Variants in RSRC1 observed in about 807,000 individuals in gnomAD.
The protein encoded by RSRC1 is serine/Arginine-related protein 53.
RSRC1 carries 39 observed loss-of-function variants against 49.1 expected under a neutral mutation model. The observed-to-expected ratio is 0.79, with a 90% CI of 0.61 to 1.04. The LOEUF (loss-of-function observed/expected upper bound fraction) is 1.04. RSRC1 is among the 50% of genes least tolerant of loss of function. RSRC1 has a pLI of 0.00. For synonymous variants in RSRC1, 143 were observed against 130.8 expected (o/e 1.09, Z -0.63); for missense variants, 388 against 402.4 (o/e 0.96, Z 0.31).
chr3:158,197,729 C>T (rs573245642), intron 3 of RSRC1, among the ~76,000 whole-genome samples: 3 of 152,238 alleles, frequency 2.0e-5, no homozygotes, highest in South Asian at 2.1e-4. Context: ...ATCTTTATTT[C>T]TGTCTTCATT....
At chr3:158,249,917 C>G (rs1283257051) in intron 4 of RSRC1, among the ~76,000 whole-genome samples, 1 of 152,016 alleles carries the variant, frequency 6.6e-6, no homozygotes, top group Non-Finnish European at 1.5e-5. Flanking sequence ...CTTTTTCATT[C>G]TATCTATATT....
Position 158,425,791 on chromosome 3 carries a change from A to G in RSRC1, c.584-35144A>G, listed in dbSNP as rs368034432. Reference sequence around the variant, plus strand: ...CCTTTATTGGGTGCATATATTTAGGATAGTTAAATAATTTAGAAGTTTAAT... The same window carrying G: ...CCTTTATTGGGTGCATATATTTAGGGTAGTTAAATAATTTAGAAGTTTAAT... On this transcript the variant is annotated intron_variant, in intron 6 of 9. Transcript: ENST00000611884. 7.4e-4 allele frequency among the ~76,000 whole-genome samples: 112 copies of G among 151,988 alleles called. 4 individuals carry two copies. The South Asian group carries it at 0.023, about 31-fold the overall frequency.
chr3:158,265,177 G>A (rs1369375734), intron 4 of RSRC1, among the ~76,000 whole-genome samples: 1 of 152,180 alleles, frequency 6.6e-6, no homozygotes, highest in African/African-American at 2.4e-5. Flanking sequence ...TTAACTCTCA[G>A]TAGTTACTAT....
At chr3:158,443,680 C>A (rs1736511097) in intron 6 of RSRC1, among the ~76,000 whole-genome samples, 1 of 152,140 alleles carries the variant, frequency 6.6e-6, no homozygotes, top group Non-Finnish European at 1.5e-5. Flanking sequence ...CTTTTAATTT[C>A]TATCAAGAAC....
chr3:158,528,221 A>G (rs1712162619), intron 7 of RSRC1, among the ~76,000 whole-genome samples: 1 of 151,988 alleles, frequency 6.6e-6, no homozygotes, highest in Non-Finnish European at 1.5e-5. Context: ...AAAGAGCAGT[A>G]ATTTATGAGC....
At chr3:158,191,394 T>G (rs1720232690) in intron 3 of RSRC1, among the ~76,000 whole-genome samples, 1 of 152,096 alleles carries the variant, frequency 6.6e-6, no homozygotes, top group African/African-American at 2.4e-5. Context: ...AATAGACTAC[T>G]TGAAGTATTG....
At chr3:158,128,362 A>G (rs560344803) in intron 3 of RSRC1, among the ~76,000 whole-genome samples, 1 of 152,274 alleles carries the variant, frequency 6.6e-6, no homozygotes, top group Admixed American at 6.5e-5. Context: ...GGAGTACTGC[A>G]ACTTCTTAAC....
chr3:158,195,069 C>T (rs1190245712), intron 3 of RSRC1, among the ~76,000 whole-genome samples: 1 of 152,194 alleles, frequency 6.6e-6, no homozygotes, highest in Non-Finnish European at 1.5e-5. Context: ...TGAGGAATAG[C>T]CACACTGTCT....
At chr3:158,319,155 G>A (rs11712563) in intron 5 of RSRC1, among the ~76,000 whole-genome samples, 34,055 of 151,874 alleles carry the variant, frequency 0.22, 4,290 homozygotes, top group Non-Finnish European at 0.29. Context: ...ATCTCATCTC[G>A]AATTGTAATC....
intron 3 of RSRC1, among the ~76,000 whole-genome samples, chr3:158,197,197 C>G (rs1720684052): frequency 6.6e-6 from 1 of 152,124 alleles, no homozygotes; most frequent in Non-Finnish European, 1.5e-5. Context: ...TTGGTCTATT[C>G]AGGGATTCAA....
intron 5 of RSRC1, among the ~76,000 whole-genome samples, chr3:158,333,207 A>G (rs1199874973): frequency 6.6e-6 from 1 of 152,114 alleles, no homozygotes; most frequent in Non-Finnish European, 1.5e-5. Context: ...TGACCTCATG[A>G]TCTGCCCACC....
chr3:158,259,791 AG>A, intron 4 of RSRC1, among the ~76,000 whole-genome samples: 1 of 152,302 alleles, frequency 6.6e-6, no homozygotes, highest in Non-Finnish European at 1.5e-5. Context: ...CTAAGCTGCA[AG>A]GCAAAGTCCT....
intron 4 of RSRC1, among the ~76,000 whole-genome samples, chr3:158,223,889 T>C (rs114558829): frequency 0.022 from 3,393 of 151,828 alleles, 55 homozygotes; most frequent in Non-Finnish European, 0.036. Context: ...GTTCTCATTC[T>C]CATTATTTAG....
Position 158,122,191 on chromosome 3 carries a change from T to C in RSRC1, c.87T>C (p.Ser29=). ...KHRRRSSSSS[S]SDSRTYSRKK... ...GTAGACGGTCCTCCTCGAGCAGTTC[T>C]TCAGATAGTAGAACATACAGCCGAA... Residue 29 remains serine, a synonymous_variant, in exon 2 of 10, where the codon TCT becomes TCC. Coordinates refer to ENST00000611884, the MANE Select transcript of RSRC1 (RefSeq NM_001271838.2). 6.2e-7 allele frequency: 1 copy of C among 1,608,628 alleles called. No homozygotes were observed.
intron 3 of RSRC1, among the ~76,000 whole-genome samples, chr3:158,190,536 A>T (rs1233387162): frequency 1.3e-5 from 2 of 149,540 alleles, no homozygotes; most frequent in Non-Finnish European, 3.0e-5. Context: ...TACTTATTTT[A>T]TTTTTAATTT....
intron 3 of RSRC1, among the ~76,000 whole-genome samples, chr3:158,147,269 C>G (rs914911337): frequency 3.3e-5 from 5 of 151,938 alleles, no homozygotes; most frequent in Non-Finnish European, 7.4e-5. Flanking sequence ...GAGACAGCAT[C>G]TTGCTCTGTC....
chr3:158,356,413 A>G (rs1359370878), intron 6 of RSRC1, among the ~76,000 whole-genome samples: 1 of 152,104 alleles, frequency 6.6e-6, no homozygotes, highest in Admixed American at 6.5e-5. Flanking sequence ...TATGATCGGT[A>G]TACTAGCTTC....
At chr3:158,440,161 G>C (rs1293702867) in intron 6 of RSRC1, among the ~76,000 whole-genome samples, 1 of 147,456 alleles carries the variant, frequency 6.8e-6, no homozygotes, top group Non-Finnish European at 1.5e-5. Flanking sequence ...AATTGTGAAA[G>C]AGTGTGGTAT....
chr3:158,501,509 A>G (rs920955177), intron 7 of RSRC1, among the ~76,000 whole-genome samples: 1 of 151,992 alleles, frequency 6.6e-6, no homozygotes, highest in African/African-American at 2.4e-5. Flanking sequence ...TCTTAGATCT[A>G]TTAGTAATTG....
Sources: allele counts gnomAD v4.1 joint callset (sites outside exome capture counted in the v4.1 genomes callset), GRCh38; gene constraint gnomAD v4.1.1; transcripts MANE v1.5; gene names NCBI Gene and HGNC (gene_info 2026-07-23, HGNC 2026-07-21).